Variants in MYO16 observed in about 807,000 individuals in gnomAD.
MYO16 encodes unconventional myosin-XVI.
A neutral mutation model predicts 205.3 loss-of-function variants in MYO16; 94 were observed. The observed-to-expected ratio is 0.46, with a 90% CI of 0.39 to 0.54. The LOEUF (loss-of-function observed/expected upper bound fraction) is 0.54. MYO16 is among the 20% of genes least tolerant of loss of function. MYO16 has a pLI of 0.00. For missense variants in MYO16, 2,315 were observed against 2,387.5 expected, an observed-to-expected ratio of 0.97 and a Z score of 0.63; for synonymous variants, 988 against 954.0, an observed-to-expected ratio of 1.04 and a Z score of -0.66.
At chr13:108,631,860 C>G (rs559090077) in intron 1 of MYO16, among the ~76,000 whole-genome samples, 1 of 152,100 alleles carries the variant, frequency 6.6e-6, no homozygotes, top group African/African-American at 2.4e-5. Flanking sequence ...GGCGGATCAC[C>G]TGAGGTCAGG....
intron 32 of MYO16, among the ~76,000 whole-genome samples, chr13:109,152,734 A>G (rs1436693633): frequency 6.6e-6 from 1 of 152,194 alleles, no homozygotes; most frequent in Non-Finnish European, 1.5e-5. Context: ...AAACTACCCT[A>G]TGGCATGCCT....
upstream of MYO16, among the ~76,000 whole-genome samples, chr13:108,593,778 C>T (rs993746826): frequency 1.3e-5 from 2 of 152,110 alleles, no homozygotes; most frequent in Non-Finnish European, 1.5e-5. Context: ...GTGATGAAGT[C>T]GCACTTAGAG....
At chr13:108,784,632 T>C (rs1040668787) in intron 4 of MYO16, among the ~76,000 whole-genome samples, 1 of 152,170 alleles carries the variant, frequency 6.6e-6, no homozygotes, top group East Asian at 1.9e-4. Context: ...ACACATAAAA[T>C]TTTAAATGTG....
At chr13:109,164,663 T>A (rs1878554481) in intron 32 of MYO16, among the ~76,000 whole-genome samples, 1 of 152,226 alleles carries the variant, frequency 6.6e-6, no homozygotes, top group African/African-American at 2.4e-5. Context: ...AAATTCTTTA[T>A]AAATATGTTT....
At chr13:108,815,171 G>T (rs1875502111) in intron 7 of MYO16, among the ~76,000 whole-genome samples, 1 of 152,240 alleles carries the variant, frequency 6.6e-6, no homozygotes, top group African/African-American at 2.4e-5. Flanking sequence ...AAATAGAGAG[G>T]TAAGCCACAC....
chr13:108,559,667 G>T, the MYO16 span, among the ~76,000 whole-genome samples: 1 of 151,346 alleles, frequency 6.6e-6, no homozygotes, highest in African/African-American at 2.4e-5. Context: ...TAGAGACGGG[G>T]TTTCACGTCA....
At chr13:108,887,379 A>C (rs555548205) in intron 13 of MYO16, among the ~76,000 whole-genome samples, 26 of 152,216 alleles carry the variant, frequency 1.7e-4, no homozygotes, top group Admixed American at 3.9e-4. Context: ...AAACCAAGGA[A>C]GCTCTCCTAA....
chr13:109,157,066 C>T (rs1878086066), intron 32 of MYO16, among the ~76,000 whole-genome samples: 1 of 151,986 alleles, frequency 6.6e-6, no homozygotes, highest in South Asian at 2.1e-4. Context: ...AACCACGCCC[C>T]AGCTGTGGTC....
intron 12 of MYO16, among the ~76,000 whole-genome samples, chr13:108,882,444 T>G (rs1456524859): frequency 2.0e-5 from 3 of 152,182 alleles, no homozygotes; most frequent in Admixed American, 1.3e-4. Flanking sequence ...TTTTGTACAA[T>G]AAAAATAACT....
chr13:108,545,016 T>C, the MYO16 span, among the ~76,000 whole-genome samples: 4 of 152,076 alleles, frequency 2.6e-5, no homozygotes, highest in East Asian at 7.7e-4. Flanking sequence ...TTTTACTTTT[T>C]ATTTTAGGTT....
intron 3 of MYO16, among the ~76,000 whole-genome samples, chr13:108,719,967 C>A (rs1163395516): frequency 6.6e-6 from 1 of 152,090 alleles, no homozygotes; most frequent in Non-Finnish European, 1.5e-5. Flanking sequence ...TACATTCACC[C>A]AAAAGGATAA....
At chr13:108,644,768 A>T (rs1480327728) in intron 1 of MYO16, among the ~76,000 whole-genome samples, 1 of 152,208 alleles carries the variant, frequency 6.6e-6, no homozygotes, top group East Asian at 1.9e-4. Context: ...TGAAGGCCAT[A>T]GAAAGACAAA....
At chr13:108,973,536 C>T (rs1884132741) in intron 20 of MYO16, among the ~76,000 whole-genome samples, 2 of 152,214 alleles carry the variant, frequency 1.3e-5, no homozygotes, top group South Asian at 4.1e-4. Flanking sequence ...TCCAGATTTT[C>T]ATCAGCACAT....
At chr13:109,123,932 C>T (rs1876118044) in intron 29 of MYO16, among the ~76,000 whole-genome samples, 1 of 152,168 alleles carries the variant, frequency 6.6e-6, no homozygotes, top group Non-Finnish European at 1.5e-5. Flanking sequence ...CAGACATTGG[C>T]TTTCCTGAAA....
chr13:108,812,070 T>C (rs1887310780), intron 7 of MYO16, among the ~76,000 whole-genome samples: 1 of 152,228 alleles, frequency 6.6e-6, no homozygotes, highest in African/African-American at 2.4e-5. Flanking sequence ...TCTTCATTTC[T>C]AGAATGCACC....
chr13:108,676,372 C>CGTGTGTGTGTGT (rs35790433), intron 2 of MYO16, among the ~76,000 whole-genome samples: 1,824 of 131,692 alleles, frequency 0.014, 26 homozygotes, highest in Middle Eastern at 0.028. Flanking sequence ...TATATGTACG[C>CGTGTGTGTGTGT]GTGTGTGTGT....
intron 34 of MYO16, among the ~76,000 whole-genome samples, chr13:109,198,729 T>G (rs989152945): frequency 6.6e-6 from 1 of 152,172 alleles, no homozygotes; most frequent in African/African-American, 2.4e-5. Context: ...TCACTACTTT[T>G]GTGAGGCTTT....
In MYO16 at chr13:108,677,671, G is replaced by A. The variant is rs141660798; in HGVS notation, c.292+11522G>A. On this transcript the variant is annotated intron_variant, in intron 2 of 34. Coordinates refer to ENST00000457511, the MANE Select transcript of MYO16 (RefSeq NM_001198950.3). ...CACTTCCTCTGTGTCAATTTCTCGC[G>A]CCATACAATGTTATTTCTTAGAGCT... Among the ~76,000 whole-genome samples, 1,070 of 151,804 alleles carry A rather than the reference G, an allele frequency of 7.0e-3. 11 individuals carry two copies. Among genetic ancestry groups the A allele is most frequent in the South Asian group, 0.011 (53 of 4,788 alleles).
At position 109,051,560 on chromosome 13, in the gene MYO16, C is replaced by T. The variant is rs147369260; in HGVS notation, c.2873-740C>T. ...TAACACAAGAAACATTCCTTTTGACCCTTAACCGCCACATACATTGTTTTC... is the reference window on the plus strand; with the variant it reads ...TAACACAAGAAACATTCCTTTTGACTCTTAACCGCCACATACATTGTTTTC... On this transcript the variant is annotated intron_variant, in intron 24 of 34. Transcript: ENST00000457511. 2.8e-3 allele frequency among the ~76,000 whole-genome samples: 425 copies of T among 152,170 alleles called. 4 individuals are homozygous for T. The highest frequency in any genetic ancestry group is 9.4e-3 in the African/African-American group (391 of 41,512).
Sources: allele counts gnomAD v4.1 joint callset (sites outside exome capture counted in the v4.1 genomes callset), GRCh38; gene constraint gnomAD v4.1.1; transcripts MANE v1.5; gene names NCBI Gene and HGNC (gene_info 2026-07-23, HGNC 2026-07-21).